The following BNC2 variants were observed in gnomAD, a reference collection of about 807,000 sequenced individuals.
BNC2 encodes zinc finger protein basonuclin-2.
Under a neutral mutation model 76.3 loss-of-function variants are expected in BNC2, and 20 were observed. The ratio of observed to expected loss-of-function variants is 0.26; its 90% CI spans 0.18 to 0.38. The LOEUF (loss-of-function observed/expected upper bound fraction) is 0.38. Among genes scored for constraint, BNC2 ranks in the 10% least tolerant of loss-of-function variants. BNC2 has a pLI of 1.00. For synonymous variants in BNC2, 582 were observed against 514.8 expected (o/e 1.13, Z -1.77); for missense variants, 1,382 against 1,399.8 (o/e 0.99, Z 0.20).
At chr9:16,549,178 T>C (rs1818581796) in intron 5 of BNC2, among the ~76,000 whole-genome samples, 1 of 152,174 alleles carries the variant, frequency 6.6e-6, no homozygotes, top group African/African-American at 2.4e-5. Context: ...CATTTAAAGG[T>C]ATCTCAGAAG....
intron 5 of BNC2, among the ~76,000 whole-genome samples, chr9:16,458,133 T>G (rs1022972234): frequency 6.6e-6 from 1 of 151,588 alleles, no homozygotes; most frequent in Non-Finnish European, 1.5e-5. Context: ...GAAAACATAG[T>G]CAGTCCTAAG....
chr9:16,698,077 T>C (rs947206502), intron 3 of BNC2, among the ~76,000 whole-genome samples: 1 of 152,186 alleles, frequency 6.6e-6, no homozygotes. Flanking sequence ...TTTATTGAAA[T>C]AGAGCCCTGC....
intron 5 of BNC2, among the ~76,000 whole-genome samples, chr9:16,531,508 C>T (rs762528298): frequency 1.3e-5 from 2 of 150,798 alleles, no homozygotes; most frequent in Admixed American, 6.6e-5. Flanking sequence ...AGTTTGTTAA[C>T]GTGCAAGTAT....
At chr9:16,648,407 T>C (rs1226523678) in intron 3 of BNC2, among the ~76,000 whole-genome samples, 1 of 152,182 alleles carries the variant, frequency 6.6e-6, no homozygotes, top group Non-Finnish European at 1.5e-5. Flanking sequence ...GTGATAGCAG[T>C]GATTGAGAAC....
chr9:16,444,606 T>C lies in BNC2; in HGVS notation c.670-7082A>G, dbSNP rs79537519. ...TGAACAGGGGCATTCAACAAACTTC[T>C]AGCTAGGGGTCAGCAAATGGAAAAC... On this transcript the variant is annotated intron_variant, in intron 5 of 6. Transcript: ENST00000380672. 9.5e-3 allele frequency among the ~76,000 whole-genome samples: 1,443 copies of C among 152,190 alleles called. 19 individuals carry two copies. Among genetic ancestry groups the C allele is most frequent in the African/African-American group, 0.033 (1,383 of 41,512 alleles).
intron 3 of BNC2, among the ~76,000 whole-genome samples, chr9:16,659,459 T>G (rs766011469): frequency 6.6e-6 from 1 of 151,832 alleles, no homozygotes; most frequent in Non-Finnish European, 1.5e-5. Flanking sequence ...AACACAAAAA[T>G]TAGCTGTGTG....
chr9:16,728,220 T>C, intron 2 of BNC2: 1 of 613,994 alleles, frequency 1.6e-6, no homozygotes, highest in Non-Finnish European at 2.9e-6. Flanking sequence ...CAGCTGCCTG[T>C]CAGGTGTGCA....
At chr9:16,821,034 A>C (rs1037991506) in intron 1 of BNC2, among the ~76,000 whole-genome samples, 9 of 151,950 alleles carry the variant, frequency 5.9e-5, no homozygotes, top group African/African-American at 1.9e-4. Flanking sequence ...GGAATTCGAG[A>C]CCAGCCTGGC....
At position 16,664,969 on chromosome 9, in the gene BNC2, G is replaced by C. The variant is rs190654979; in HGVS notation, c.330+62828C>G. The C allele has an allele frequency of 8.5e-5, 28 of 329,268 alleles. No homozygotes were observed. The East Asian group carries it at 2.8e-3, about 33-fold the overall frequency. The allele number at this position is 329,268 out of a possible 1,614,324, so 20.4% of individuals were successfully genotyped here. A position where few individuals can be genotyped will look rare whatever the true frequency, so the allele number is the denominator to read the frequency against. On this transcript the variant is annotated intron_variant, in intron 3 of 6. Coordinates refer to ENST00000380672, the MANE Select transcript of BNC2 (RefSeq NM_017637.6). ...AATAGGCAGGTTATAGGCAGCATTAGCACAATGCTTCATGGCAGAAGCAGG... is the reference window on the plus strand; with the variant it reads ...AATAGGCAGGTTATAGGCAGCATTACCACAATGCTTCATGGCAGAAGCAGG...
chr9:16,546,349 C>G (rs1818482231), intron 5 of BNC2, among the ~76,000 whole-genome samples: 1 of 152,174 alleles, frequency 6.6e-6, no homozygotes, highest in Admixed American at 6.5e-5. Flanking sequence ...CCAATCTTGT[C>G]TCAATATCCA....
At chr9:16,535,014 TAATAA>T (rs1279691760) in intron 5 of BNC2, among the ~76,000 whole-genome samples, 2 of 152,280 alleles carry the variant, frequency 1.3e-5, no homozygotes, top group East Asian at 3.9e-4. Context: ...GATCTGTAGA[TAATAA>T]AATGATTTCC....
At chr9:16,807,883 C>T (rs977735375) in intron 1 of BNC2, among the ~76,000 whole-genome samples, 11 of 151,864 alleles carry the variant, frequency 7.2e-5, no homozygotes, top group African/African-American at 2.7e-4. Flanking sequence ...CTCATAATAT[C>T]CAAAAATAGA....
At chr9:16,667,135 T>C (rs1046272925) in intron 3 of BNC2, among the ~76,000 whole-genome samples, 2 of 151,866 alleles carry the variant, frequency 1.3e-5, no homozygotes, top group African/African-American at 4.8e-5. Flanking sequence ...GCCGATGTTA[T>C]AAAAGTACTG....
intron 1 of BNC2, among the ~76,000 whole-genome samples, chr9:16,740,799 G>A (rs937822610): frequency 2.6e-5 from 4 of 152,102 alleles, no homozygotes; most frequent in South Asian, 2.1e-4. Flanking sequence ...GAAAGGGTCC[G>A]AGGAGAGAAT....
intron 5 of BNC2, among the ~76,000 whole-genome samples, chr9:16,512,909 G>A (rs920410805): frequency 2.4e-4 from 37 of 152,090 alleles, no homozygotes; most frequent in Non-Finnish European, 4.9e-4. Context: ...GCTGAGGGGG[G>A]AAGATCACTT....
At chr9:16,582,728 C>T (rs139949578) in intron 4 of BNC2, among the ~76,000 whole-genome samples, 230 of 152,324 alleles carry the variant, frequency 1.5e-3, no homozygotes, top group Admixed American at 3.5e-3. Context: ...GTAAGAACTT[C>T]ACAGCCCAAC....
At chr9:16,715,224 G>T (rs184982036) in intron 3 of BNC2, among the ~76,000 whole-genome samples, 1 of 152,116 alleles carries the variant, frequency 6.6e-6, no homozygotes, top group Non-Finnish European at 1.5e-5. Flanking sequence ...AAATCCTTAT[G>T]CTTCTACCTT....
At chr9:16,624,812 T>G (rs74345701) in intron 3 of BNC2, among the ~76,000 whole-genome samples, 9,011 of 152,292 alleles carry the variant, frequency 0.059, 523 homozygotes, top group South Asian at 0.17. Flanking sequence ...AAGTATTTAT[T>G]TAAAGAATGA....
chr9:16,526,065 T>C (rs1409219373), intron 5 of BNC2, among the ~76,000 whole-genome samples: 2 of 152,194 alleles, frequency 1.3e-5, no homozygotes, highest in East Asian at 1.9e-4. Flanking sequence ...CCTGTCCTGA[T>C]CTTTATAAAG....
Sources: allele counts gnomAD v4.1 joint callset (sites outside exome capture counted in the v4.1 genomes callset), GRCh38; gene constraint gnomAD v4.1.1; transcripts MANE v1.5; gene names NCBI Gene and HGNC (gene_info 2026-07-23, HGNC 2026-07-21).